PDK1: variants seen among roughly 807,000 people sequenced by gnomAD.
PDK1 encodes the protein [Pyruvate dehydrogenase (acetyl-transferring)] kinase isozyme 1, mitochondrial.
In PDK1, 39 loss-of-function variants were observed where a neutral mutation model predicts 54.2. That is an observed-to-expected ratio of 0.72 (90% CI 0.56 to 0.94). The LOEUF is 0.94. Ranked by LOEUF, PDK1 falls within the 40% of genes least tolerant of loss-of-function variation. The pLI, the probability that PDK1 is intolerant of heterozygous loss-of-function variation, is 0.00. For missense variants in PDK1, 552 were observed against 566.0 expected, an observed-to-expected ratio of 0.98 and a Z score of 0.25; for synonymous variants, 221 against 207.1, an observed-to-expected ratio of 1.07 and a Z score of -0.58.
chr2:172,672,512 G>A, the PDK1 span, among the ~76,000 whole-genome samples: 43 of 152,082 alleles, frequency 2.8e-4, 1 homozygote, highest in African/African-American at 8.9e-4. Flanking sequence ...AGCACACCTC[G>A]TTTAATTGTG....
the PDK1 span, among the ~76,000 whole-genome samples, chr2:172,629,919 C>G: frequency 6.6e-6 from 1 of 152,212 alleles, no homozygotes; most frequent in Admixed American, 6.5e-5. Context: ...TTTGGCTAGT[C>G]CTGTGAGGAG....
the PDK1 span, among the ~76,000 whole-genome samples, chr2:172,689,780 G>A: frequency 7.3e-6 from 1 of 137,270 alleles, no homozygotes; most frequent in Non-Finnish European, 1.6e-5. Context: ...ATGGTGCTGG[G>A]AAAACTGGCT....
intron 9 of PDK1, among the ~76,000 whole-genome samples, chr2:172,589,168 A>G (rs80248555): frequency 0.014 from 2,085 of 152,320 alleles, 52 homozygotes; most frequent in African/African-American, 0.047. Context: ...GTCAGGTATC[A>G]TGGGAGCCTG....
At chr2:172,722,949 G>T in the PDK1 span, among the ~76,000 whole-genome samples, 7 of 151,914 alleles carry the variant, frequency 4.6e-5, no homozygotes, top group East Asian at 9.7e-4. Context: ...GTATTTTCAG[G>T]ACTCAAAATT....
chr2:172,678,255 G>A, the PDK1 span, among the ~76,000 whole-genome samples: 1 of 152,086 alleles, frequency 6.6e-6, no homozygotes, highest in African/African-American at 2.4e-5. Context: ...AGACACTTCT[G>A]AGAGTGAAGG....
chr2:172,679,907 T>G, the PDK1 span, among the ~76,000 whole-genome samples: 1 of 152,204 alleles, frequency 6.6e-6, no homozygotes, highest in African/African-American at 2.4e-5. Flanking sequence ...ACACCTAAAC[T>G]TAGGTTTTTT....
At chr2:172,700,063 C>T in the PDK1 span, among the ~76,000 whole-genome samples, 24 of 152,272 alleles carry the variant, frequency 1.6e-4, 1 homozygote, top group South Asian at 3.3e-3. Flanking sequence ...TCAGAGAGCA[C>T]GGGGCTGGGG....
chr2:172,650,304 G>T, the PDK1 span, among the ~76,000 whole-genome samples: 1 of 152,164 alleles, frequency 6.6e-6, no homozygotes, highest in South Asian at 2.1e-4. Flanking sequence ...GTCACCACCA[G>T]GCCTGCCTTG....
chr2:172,565,140 T>A, intron 5 of PDK1, 67 bp downstream of exon 5: 1 of 910,496 alleles, frequency 1.1e-6, no homozygotes, highest in Non-Finnish European at 1.8e-6. Flanking sequence ...TTTCTTACTA[T>A]TAAAACATCT....
downstream of PDK1, among the ~76,000 whole-genome samples, chr2:172,610,771 C>T (rs887080921): frequency 1.4e-4 from 22 of 152,108 alleles, no homozygotes; most frequent in South Asian, 4.1e-4. Flanking sequence ...TCATCATGCC[C>T]GGCTAATTTT....
chr2:172,624,404 C>A, the PDK1 span, among the ~76,000 whole-genome samples: 1 of 152,154 alleles, frequency 6.6e-6, no homozygotes, highest in African/African-American at 2.4e-5. Context: ...ACATTAACTT[C>A]TCATAGAAGG....
chr2:172,608,558 T>C lies in PDK1; in HGVS notation c.*12589T>C, dbSNP rs1691368685. ...GTCTATGTGAAACCAAATCCGTGGA[T>C]TTACCAATGGCCATTTTATCACCTC... On this transcript the variant is annotated 3_prime_UTR_variant, in exon 11 of 11. Transcript: ENST00000282077. The C allele has an allele frequency of 6.6e-6, 1 of 152,190 alleles. No individual in the cohort carries two copies. Among genetic ancestry groups the C allele is most frequent in the Non-Finnish European group, 1.5e-5 (1 of 68,028 alleles). The allele number at this position is 152,190 out of a possible 1,614,324, so 9.4% of individuals were successfully genotyped here. A position where few individuals can be genotyped will look rare whatever the true frequency, so the allele number is the denominator to read the frequency against.
rs1261596670 is a variant in PDK1 at position 172,598,610 on chromosome 2, C to G, written c.*2641C>G. On this transcript the variant is annotated 3_prime_UTR_variant, in exon 11 of 11. Transcript: ENST00000282077. ...TGTGCCAACATTTTCTAGGAAGGGACAGCAAGAATATTCTGCTCTGTAGTT... is the reference window on the plus strand; with the variant it reads ...TGTGCCAACATTTTCTAGGAAGGGAGAGCAAGAATATTCTGCTCTGTAGTT... 6.6e-6 allele frequency: 1 copy of G among 152,176 alleles called. No homozygotes were observed. The highest frequency in any genetic ancestry group is 1.5e-5 in the Non-Finnish European group (1 of 68,026). The allele number at this position is 152,176 out of a possible 1,614,324, so 9.4% of individuals were successfully genotyped here.
At position 172,604,552 on chromosome 2, in the gene PDK1, C is replaced by T. The variant is rs376295581; in HGVS notation, c.*8583C>T. The T allele has an allele frequency of 6.6e-6, 1 of 152,234 alleles. No homozygotes were observed. Among genetic ancestry groups the T allele is most frequent in the East Asian group, 1.9e-4 (1 of 5,184 alleles). 9.4% of individuals were successfully genotyped at this position (152,234 alleles called of 1,614,324 possible). On this transcript the variant is annotated 3_prime_UTR_variant, in exon 11 of 11. Coordinates refer to ENST00000282077, the MANE Select transcript of PDK1 (RefSeq NM_002610.5). ...TTGCTAATACATTTCACGTTTGAAT[C>T]TCCAGTTCAGAAAAATCATGGCCTC...
At chr2:172,696,509 G>A in the PDK1 span, among the ~76,000 whole-genome samples, 76 of 152,230 alleles carry the variant, frequency 5.0e-4, 2 homozygotes, top group East Asian at 0.013. Flanking sequence ...TTGACAGTGG[G>A]CCATTTTGAT....
the PDK1 span, among the ~76,000 whole-genome samples, chr2:172,664,894 G>C: frequency 6.6e-6 from 1 of 152,004 alleles, no homozygotes; most frequent in Non-Finnish European, 1.5e-5. Context: ...CCATTTCCTG[G>C]CTTTTGTTAT....
chr2:172,636,883 G>A, the PDK1 span, among the ~76,000 whole-genome samples: 2 of 151,980 alleles, frequency 1.3e-5, no homozygotes, highest in Non-Finnish European at 2.9e-5. Context: ...ACATCCAGAC[G>A]ATGTCAGTCT....
chr2:172,590,402 C>T (rs553299335), intron 9 of PDK1, among the ~76,000 whole-genome samples: 36 of 152,068 alleles, frequency 2.4e-4, no homozygotes, highest in African/African-American at 8.2e-4. Flanking sequence ...TTTGTTCCTT[C>T]AGATGTTTAG....
the PDK1 span, chr2:172,677,140 C>T: frequency 6.6e-6 from 1 of 152,140 alleles, no homozygotes; most frequent in South Asian, 2.1e-4. Context: ...AATTGTGTGA[C>T]TTCATTGCAG....
Sources: gnomAD v4.1 joint callset for allele counts (sites outside exome capture counted in the v4.1 genomes callset) on GRCh38, gnomAD v4.1.1 for gene constraint, MANE v1.5 for transcripts, NCBI Gene and HGNC (gene_info 2026-07-23, HGNC 2026-07-21) for gene names.